FAT3: variants seen among roughly 807,000 people sequenced by gnomAD.
The protein encoded by FAT3 is protocadherin Fat 3.
In FAT3, 95 loss-of-function variants were observed where a neutral mutation model predicts 310.2. That is an observed-to-expected ratio of 0.31 (90% confidence interval 0.26 to 0.36). FAT3 has a LOEUF of 0.36. Among genes scored for constraint, FAT3 ranks in the 10% least tolerant of loss-of-function variants. FAT3 has a pLI of 1.00. For synonymous variants in FAT3, 2,314 were observed against 2,192.9 expected, an observed-to-expected ratio of 1.06 and a Z score of -1.54; for missense variants, 5,408 against 5,715.6, an observed-to-expected ratio of 0.95 and a Z score of 1.74.
chr11:92,721,367 T>C (rs918075773), intron 4 of FAT3, among the ~76,000 whole-genome samples: 1 of 152,188 alleles, frequency 6.6e-6, no homozygotes, highest in Non-Finnish European at 1.5e-5. Context: ...TGTAAATATA[T>C]AAAAACAATT....
intron 24 of FAT3, among the ~76,000 whole-genome samples, chr11:92,884,461 T>C (rs1361612866): frequency 2.0e-5 from 3 of 152,148 alleles, no homozygotes; most frequent in South Asian, 2.1e-4. Context: ...CTGTAACCTA[T>C]AACTTCATCA....
chr11:92,725,103 C>T (rs916143927), intron 4 of FAT3, among the ~76,000 whole-genome samples: 2 of 152,094 alleles, frequency 1.3e-5, no homozygotes, highest in African/African-American at 4.8e-5. Context: ...TTATAAAATT[C>T]AACGTATCTG....
At chr11:92,417,054 C>T (rs1950432677) in intron 2 of FAT3, among the ~76,000 whole-genome samples, 1 of 152,126 alleles carries the variant, frequency 6.6e-6, no homozygotes, top group Non-Finnish European at 1.5e-5. Context: ...GGTATTGAGG[C>T]AACTGTTTGA....
intron 3 of FAT3, among the ~76,000 whole-genome samples, chr11:92,694,537 G>A (rs1329992056): frequency 6.6e-6 from 1 of 152,170 alleles, no homozygotes; most frequent in Admixed American, 6.5e-5. Flanking sequence ...TTACATGTAG[G>A]CATTGTGAAA....
intron 1 of FAT3, among the ~76,000 whole-genome samples, chr11:92,303,782 G>C (rs1040200823): frequency 6.6e-6 from 1 of 152,118 alleles, no homozygotes; most frequent in Non-Finnish European, 1.5e-5. Context: ...AAAGAGGTGG[G>C]TTAGATTCGC....
chr11:92,303,272 G>A (rs1210058507), intron 1 of FAT3, among the ~76,000 whole-genome samples: 2 of 151,968 alleles, frequency 1.3e-5, no homozygotes, highest in African/African-American at 2.4e-5. Context: ...ATTTAGGATC[G>A]CTTTATTGGC....
At chr11:92,830,043 A>G (rs1208636374) in intron 13 of FAT3, among the ~76,000 whole-genome samples, 3 of 152,172 alleles carry the variant, frequency 2.0e-5, no homozygotes, top group Admixed American at 6.5e-5. Flanking sequence ...CTTATATTCT[A>G]TGGTTCCACA....
intron 3 of FAT3, among the ~76,000 whole-genome samples, chr11:92,632,573 G>A (rs1461191373): frequency 6.6e-6 from 1 of 152,224 alleles, no homozygotes; most frequent in Non-Finnish European, 1.5e-5. Flanking sequence ...TCTGCAGGCA[G>A]AAGGTGAGGC....
At chr11:92,320,880 AG>A (rs5793596) in intron 1 of FAT3, among the ~76,000 whole-genome samples, 18,121 of 148,492 alleles carry the variant, frequency 0.12, 1,142 homozygotes, top group South Asian at 0.18. Context: ...AAAAAAAAAA[AG>A]GGGGGGGTAC....
chr11:92,718,231 C>CCA (rs1335040932), intron 4 of FAT3, among the ~76,000 whole-genome samples: 2 of 152,074 alleles, frequency 1.3e-5, no homozygotes, highest in African/African-American at 2.4e-5. Flanking sequence ...GACCATGATG[C>CCA]CACACACACA....
At chr11:92,647,098 A>C (rs1486411588) in intron 3 of FAT3, among the ~76,000 whole-genome samples, 1 of 152,046 alleles carries the variant, frequency 6.6e-6, no homozygotes, top group East Asian at 1.9e-4. Flanking sequence ...AATAATGTTG[A>C]GCCTTCCATT....
chr11:92,810,096 C>G lies in FAT3; in HGVS notation c.9481+20C>G. 1 of 1,605,240 alleles carries G rather than the reference C, an allele frequency of 6.2e-7. No homozygotes were observed. ...ACATTGGTAAGTCAGTTGCAGGCAT[C>G]TCCCTGTCACACAGTGGACACTTTG... On this transcript the variant is annotated intron_variant, in intron 13 of 27. Transcript: ENST00000525166.
chr11:92,566,115 A>C (rs185016793), intron 3 of FAT3, among the ~76,000 whole-genome samples: 210 of 152,334 alleles, frequency 1.4e-3, no homozygotes, highest in South Asian at 4.6e-3. Flanking sequence ...TGCAGATGAC[A>C]TGATTGTGTA....
chr11:92,889,917 A>G, intron 27 of FAT3, 26 bp downstream of exon 27: 1 of 717,998 alleles, frequency 1.4e-6, no homozygotes, highest in Non-Finnish European at 2.6e-6. Flanking sequence ...CCCTAGCATA[A>G]CTTTTTGTGT....
chr11:92,306,028 T>C (rs550402111), intron 1 of FAT3, among the ~76,000 whole-genome samples: 1 of 152,266 alleles, frequency 6.6e-6, no homozygotes, highest in Admixed American at 6.5e-5. Flanking sequence ...GGAAACTCTT[T>C]GAACAAATTT....
chr11:92,257,443 A>G (rs957431335), intron 1 of FAT3, among the ~76,000 whole-genome samples: 10 of 152,132 alleles, frequency 6.6e-5, no homozygotes, highest in Admixed American at 5.2e-4. Context: ...AACTATAGGG[A>G]ACAATCTTGA....
chr11:92,354,910 C>A lies in FAT3; in HGVS notation c.2798C>A (p.Ser933Tyr). Reference sequence around the variant, plus strand: ...TTTTTAGATGATGTCAATGACTGCTCCCCAGCTTTCATTCCCAGTAGCTAT... The same window carrying A: ...TTTTTAGATGATGTCAATGACTGCTACCCAGCTTTCATTCCCAGTAGCTAT... ...KVFLDDVNDC[S>Y]PAFIPSSYSV... is the part of the protein sequence containing the mutation. Residue 933 changes from serine to tyrosine, a missense_variant, in exon 2 of 28, where the codon TCC (serine) becomes TAC (tyrosine). Ser to Tyr is a moderately radical substitution (Grantham distance 144). This residue lies in a region of FAT3 where 4,588 missense variants were observed against 4,809.8 expected (regional missense o/e 0.95). Transcript: ENST00000525166. 1.2e-6 allele frequency: 2 copies of A among 1,613,836 alleles called. No homozygotes were observed. Among genetic ancestry groups the A allele is most frequent in the Non-Finnish European group, 1.7e-6 (2 of 1,179,846 alleles).
At position 92,883,108 on chromosome 11, in the gene FAT3, G is replaced by A. The variant is rs1949713515; in HGVS notation, c.12652G>A (p.Gly4218Ser). The change falls in exon 24 of 28, where the codon GGC (glycine) becomes AGC (serine). Residue 4218 changes from glycine to serine, a missense_variant. This residue lies in a region of FAT3 where 649 missense variants were observed against 666.2 expected (regional missense o/e 0.97). Coordinates refer to ENST00000525166, the MANE Select transcript of FAT3 (RefSeq NM_001367949.2). The surrounding 1 kb of genome is among the most constrained non-coding windows in gnomAD (Gnocchi z 4.2). The stretch of plus-strand genomic sequence containing the variant: ...CCGGAACCTGCGCGGCAGTGGGGAC[G>A]GCCGCAACGTCTACCAGGAGGTGGG... ...PFRNLRGSGD[G>S]RNVYQEVGPP... 11 of 1,613,758 alleles carry A rather than the reference G, an allele frequency of 6.8e-6. No individual in the cohort carries two copies. Among genetic ancestry groups the A allele is most frequent in the Non-Finnish European group, 9.3e-6 (11 of 1,179,890 alleles).
At chr11:92,735,311 C>T (rs1229359816) in intron 4 of FAT3, among the ~76,000 whole-genome samples, 1 of 152,104 alleles carries the variant, frequency 6.6e-6, no homozygotes, top group African/African-American at 2.4e-5. Flanking sequence ...ATAATCATGG[C>T]AGTTCACATA....
Sources: allele counts gnomAD v4.1 joint callset (sites outside exome capture counted in the v4.1 genomes callset), GRCh38; gene constraint gnomAD v4.1.1; regional missense constraint gnomAD v4.1.1; non-coding constraint Gnocchi (gnomAD v3.1); transcripts MANE v1.5; gene names NCBI Gene and HGNC (gene_info 2026-07-23, HGNC 2026-07-21).